The following ZNF717 variants were observed in gnomAD, a reference collection of about 807,000 sequenced individuals.
ZNF717 encodes krueppel-like factor X17.
In ZNF717, 9 loss-of-function variants were observed where a neutral mutation model predicts 13.8. That is an observed-to-expected ratio of 0.65 (90% CI 0.39 to 1.14). The LOEUF (loss-of-function observed/expected upper bound fraction) is 1.14. ZNF717 is among the 50% of genes most tolerant of loss of function. The pLI is 0.01. For synonymous variants in ZNF717, 327 were observed against 364.1 expected (o/e 0.90, Z 1.16); for missense variants, 1,040 against 1,080.7 (o/e 0.96, Z 0.53).
At chr3:75,782,901 A>C (rs1436612116) in intron 2 of ZNF717, among the ~76,000 whole-genome samples, 1 of 152,208 alleles carries the variant, frequency 6.6e-6, no homozygotes, top group Non-Finnish European at 1.5e-5. Context: ...GACCGTTTCC[A>C]CTGCACAACA....
exon 6 of ZNF717, chr3:75,710,958 G>A (rs1173880146): frequency 6.6e-6 from 1 of 152,148 alleles, no homozygotes; most frequent in Non-Finnish European, 1.5e-5. Flanking sequence ...GCCAAAGCAA[G>A]GGAGGTTTTA....
At chr3:75,730,615 A>C (rs1392279770) in exon 6 of ZNF717, 31 of 702,312 alleles carry the variant, frequency 4.4e-5, no homozygotes, top group Non-Finnish European at 6.5e-5. Context: ...AAGAGAGATC[A>C]AACCTGGAGA....
In ZNF717 at chr3:75,739,951, C is replaced by T. The variant is rs1308299666; in HGVS notation, c.278-606G>A. Among the ~76,000 whole-genome samples, 11 of 152,262 alleles carry T rather than the reference C, an allele frequency of 7.2e-5. No homozygotes were observed. In the Middle Eastern group the frequency reaches 0.031, roughly 424 times the overall value. ...CATGTTAAACAAAAACAGATCCTGG[C>T]AAATTCCTACTTAAACATGACATCC... On this transcript the variant is annotated intron_variant, in intron 4 of 4. Coordinates refer to ENST00000652011, the MANE Select transcript of ZNF717 (RefSeq NM_001290208.3).
At chr3:75,706,175 T>A (rs1398367349), downstream of ZNF717, among the ~76,000 whole-genome samples, 1 of 152,312 alleles carries the variant, frequency 6.6e-6, no homozygotes, top group Non-Finnish European at 1.5e-5. Context: ...TTTTATAAAG[T>A]CTGGAAAATT....
At chr3:75,722,014 G>A (rs1191681151) in intron 4 of ZNF717, among the ~76,000 whole-genome samples, 8 of 151,672 alleles carry the variant, frequency 5.3e-5, no homozygotes, top group East Asian at 3.9e-4. Context: ...TGGGGAGGCC[G>A]AGGCAGGTGG....
Position 75,770,093 on chromosome 3 carries a change from G to A in ZNF717, c.57+13213C>T, listed in dbSNP as rs542642732. On this transcript the variant is annotated intron_variant, in intron 2 of 4. Coordinates refer to ENST00000652011, the MANE Select transcript of ZNF717 (RefSeq NM_001290208.3). Reference sequence around the variant, plus strand: ...TCTCTCCCCATGGATTCCTAAGGATGTCATCACAGTGCTGGCCAGATGCAC... The same window carrying A: ...TCTCTCCCCATGGATTCCTAAGGATATCATCACAGTGCTGGCCAGATGCAC... Among the ~76,000 whole-genome samples, 3 of 152,260 alleles carry A rather than the reference G, an allele frequency of 2.0e-5. No individual in the cohort carries two copies. The East Asian group carries it at 5.8e-4, about 29-fold the overall frequency.
At chr3:75,696,419 C>T (rs1575756507) in intron 6 of ZNF717, among the ~76,000 whole-genome samples, 1 of 152,308 alleles carries the variant, frequency 6.6e-6, no homozygotes, top group East Asian at 1.9e-4. Context: ...GACAGAGACA[C>T]ATTAAAAAAG....
Position 75,737,577 on chromosome 3 carries a change from T to A in ZNF717, c.2046A>T (p.Lys682Asn), listed in dbSNP as rs751562492. Residue 682 changes from lysine to asparagine, a missense_variant, in exon 5 of 5, where the codon AAA becomes AAT. This residue lies in a region of ZNF717 where 873 missense variants were observed against 832.8 expected (regional missense o/e 1.05). Transcript: ENST00000652011. ...ATAAGGTATGATTTCTGACAAAAAG[T>A]TTTTCCACATTCATTACATCCATAC... The part of the protein sequence containing the change: ...KNRMDVMNVE[K>N]LFVRNHTLLY... 1 of 1,544,354 alleles carries A rather than the reference T, an allele frequency of 6.5e-7. No individual in the cohort carries two copies.
chr3:75,735,647 AAAAAAAAAAAGCAACG>A (rs1939091869), downstream of ZNF717, among the ~76,000 whole-genome samples: 8 of 45,770 alleles, frequency 1.7e-4, no homozygotes, highest in South Asian at 3.7e-3. Context: ...AAAAAAAAAA[AAAAAAAAAAAGCAACG>A]AGAGGAAACA....
chr3:75,764,523 G>A (rs1449215751), intron 2 of ZNF717, among the ~76,000 whole-genome samples: 1 of 152,208 alleles, frequency 6.6e-6, no homozygotes, highest in Non-Finnish European at 1.5e-5. Flanking sequence ...CCAACGTAAC[G>A]AGAATGAACT....
intron 2 of ZNF717, among the ~76,000 whole-genome samples, chr3:75,749,372 A>T (rs1161718961): frequency 1.3e-5 from 2 of 151,994 alleles, no homozygotes; most frequent in African/African-American, 2.4e-5. Context: ...ATAGGATTCC[A>T]GAACACTTCA....
intron 4 of ZNF717, among the ~76,000 whole-genome samples, chr3:75,720,699 T>G (rs2918477): frequency 6.6e-6 from 1 of 151,900 alleles, no homozygotes; most frequent in East Asian, 1.9e-4. Flanking sequence ...AAATAATTAT[T>G]AAGTTGGGCA....
chr3:75,744,322 T>C (rs1940870803), intron 2 of ZNF717, among the ~76,000 whole-genome samples: 1 of 149,432 alleles, frequency 6.7e-6, no homozygotes, highest in Non-Finnish European at 1.5e-5. Context: ...ATAATTACTT[T>C]ACAATAATTA....
chr3:75,756,624 A>T (rs1056122219), intron 2 of ZNF717, among the ~76,000 whole-genome samples: 2 of 152,244 alleles, frequency 1.3e-5, no homozygotes, highest in Non-Finnish European at 1.5e-5. Flanking sequence ...TCTAGATAGA[A>T]GATTTAAAAA....
At position 75,741,413 on chromosome 3, in the gene ZNF717, A is replaced by G. The variant is rs1396366058; in HGVS notation, c.185-45T>C. On this transcript the variant is annotated intron_variant, in intron 3 of 4. Transcript: ENST00000652011. The stretch of plus-strand genomic sequence containing the variant: ...GAAGACTTTGTCAAACCACTAAGTC[A>G]AATCCTTTTCAGAATGACGACAGCT... The G allele has an allele frequency of 4.8e-6, 7 of 1,445,914 alleles. No homozygotes were observed. In the South Asian group the frequency reaches 7.3e-5, roughly 15 times the overall value. The allele number at this position is 1,445,914 out of a possible 1,614,324, so 89.6% of individuals were successfully genotyped here.
rs76974449 is a variant in ZNF717, at chr3:75,752,963, T to G, written c.58-11227A>C. Among the ~76,000 whole-genome samples, 80 of 118,778 alleles carry G rather than the reference T, an allele frequency of 6.7e-4. No homozygotes were observed. In the East Asian group the frequency reaches 0.015, roughly 23 times the overall value. The allele number at this position is 118,778 out of a possible 152,430, so 77.9% of individuals were successfully genotyped here. A position where few individuals can be genotyped will look rare whatever the true frequency, so the allele number is the denominator to read the frequency against. On this transcript the variant is annotated intron_variant, in intron 2 of 4. Coordinates refer to ENST00000652011, the MANE Select transcript of ZNF717 (RefSeq NM_001290208.3). ...ATAGGATTCCAGAACACTGCTGCCATGGTCTGAATGTCCCTCACATAGGAT... is the reference window on the plus strand; with the variant it reads ...ATAGGATTCCAGAACACTGCTGCCAGGGTCTGAATGTCCCTCACATAGGAT...
intron 2 of ZNF717, among the ~76,000 whole-genome samples, chr3:75,781,498 T>C (rs564897566): frequency 1.3e-5 from 2 of 152,286 alleles, no homozygotes; most frequent in East Asian, 1.9e-4. Context: ...AATTTCCAGA[T>C]CATGAACAGA....
intron 2 of ZNF717, 40 bp from the exon 3 acceptor site, chr3:75,741,776 G>T (rs201353748): frequency 7.5e-7 from 1 of 1,330,624 alleles, no homozygotes; most frequent in Non-Finnish European, 9.8e-7. Flanking sequence ...CCAGCATCAC[G>T]TTCCTGTACA....
chr3:75,724,070 CCT>C (rs565789083), intron 4 of ZNF717, among the ~76,000 whole-genome samples: 1 of 152,094 alleles, frequency 6.6e-6, no homozygotes, highest in African/African-American at 2.4e-5. Flanking sequence ...CGTAAGCTGT[CCT>C]CTCTCTCTCC....
Sources: allele counts gnomAD v4.1 joint callset (sites outside exome capture counted in the v4.1 genomes callset), GRCh38; gene constraint gnomAD v4.1.1; regional missense constraint gnomAD v4.1.1; transcripts MANE v1.5; gene names NCBI Gene and HGNC (gene_info 2026-07-23, HGNC 2026-07-21).